Variants in RET observed in about 807,000 individuals in gnomAD.
RET encodes ret proto-oncogene.
Under a neutral mutation model 118.3 loss-of-function variants are expected in RET, and 19 were observed. That is an observed-to-expected ratio of 0.16 (90% CI 0.11 to 0.24). RET has a LOEUF of 0.24. RET is among the 10% of genes least tolerant of loss of function. The probability of loss-of-function intolerance (pLI) is 1.00; values close to 1 mark genes in which losing one functional copy is unlikely to be tolerated. For synonymous variants in RET, 597 were observed against 644.1 expected, an observed-to-expected ratio of 0.93 and a Z score of 1.11; for missense variants, 1,219 against 1,502.1, an observed-to-expected ratio of 0.81 and a Z score of 3.12.
At position 43,106,551 on chromosome 10, in the gene RET, G is replaced by A. The variant is rs751518221; in HGVS notation, c.1043G>A (p.Arg348Gln). ...TSVQANGSFV[R>Q]ATVHDYRLVL... ...GTCCAGGCCAACGGCAGCTTCGTGC[G>A]GGCGACCGTACATGACTATAGTAAG... The change falls in exon 5 of 20, where the codon CGG becomes CAG. Residue 348 changes from arginine to glutamine, a missense_variant. Physicochemically the swap from Arg to Gln is conservative, Grantham distance 43. This residue lies in a region of RET where 850 missense variants were observed against 969.6 expected (regional missense o/e 0.88). Coordinates refer to ENST00000355710, the MANE Select transcript of RET (RefSeq NM_020975.6). The surrounding 1 kb of genome is among the most constrained non-coding windows in gnomAD (Gnocchi z 5.1). The A allele has an allele frequency of 8.7e-6, 14 of 1,613,600 alleles. No homozygotes were observed. The highest frequency in any genetic ancestry group is 1.0e-5 in the Non-Finnish European group (12 of 1,179,742).
chr10:43,118,821 G>T (rs957582527), intron 13 of RET, among the ~76,000 whole-genome samples: 2 of 152,216 alleles, frequency 1.3e-5, no homozygotes, highest in Non-Finnish European at 2.9e-5. Flanking sequence ...TGCATCCTGG[G>T]TACTAGGGTA....
rs1172578380 is a variant in RET at position 43,111,429 on chromosome 10, G to A, written c.1486G>A (p.Ala496Thr). 1 of 1,611,494 alleles carries A rather than the reference G, an allele frequency of 6.2e-7. No homozygotes were observed. Among genetic ancestry groups the A allele is most frequent in the African/African-American group, 1.3e-5 (1 of 75,018 alleles). ...CACCGACCAGCAGACCTCTAGGCAG[G>A]CCCAGGCCCAGCTGCTTGTAACAGT... ...VATDQQTSRQAQAQLLVTVEG... is the reference protein window; with the variant it reads ...VATDQQTSRQTQAQLLVTVEG... Residue 496 changes from alanine to threonine, a missense_variant, in exon 7 of 20, where the codon GCC becomes ACC. Ala to Thr is a moderately conservative substitution (Grantham distance 58). Coordinates refer to ENST00000355710, the MANE Select transcript of RET (RefSeq NM_020975.6).
At chr10:43,110,971 A>G (rs1288905456) in intron 6 of RET, among the ~76,000 whole-genome samples, 1 of 152,018 alleles carries the variant, frequency 6.6e-6, no homozygotes, top group Non-Finnish European at 1.5e-5. Context: ...TCCAGCTCCC[A>G]GGAACAGGGG....
rs141512155 is a variant in RET at position 43,099,543 on chromosome 10, A to C, written c.74-916A>C. Reference sequence around the variant, plus strand: ...AAATAAATAAATAAATAAATAAATAAATAAATAAATAAATAAAAATTACAT... The same window carrying C: ...AAATAAATAAATAAATAAATAAATACATAAATAAATAAATAAAAATTACAT... On this transcript the variant is annotated intron_variant, in intron 1 of 19. Transcript: ENST00000355710. Among the ~76,000 whole-genome samples, 144 of 151,794 alleles carry C rather than the reference A, an allele frequency of 9.5e-4. 3 individuals carry two copies. The East Asian group carries it at 0.021, about 22-fold the overall frequency.
chr10:43,095,742 A>G (rs1212909793), intron 1 of RET, among the ~76,000 whole-genome samples: 1 of 152,162 alleles, frequency 6.6e-6, no homozygotes, highest in Non-Finnish European at 1.5e-5. Context: ...GTGCGTGCAT[A>G]CATATACACA....
chr10:43,116,096 G>A (rs1468019396), intron 11 of RET, among the ~76,000 whole-genome samples: 2 of 152,256 alleles, frequency 1.3e-5, no homozygotes, highest in Non-Finnish European at 2.9e-5. Flanking sequence ...ACTTTGGTGG[G>A]AGGGCAGGGT....
intron 18 of RET, among the ~76,000 whole-genome samples, chr10:43,125,604 C>T (rs1466864660): frequency 6.6e-6 from 1 of 152,198 alleles, no homozygotes; most frequent in Non-Finnish European, 1.5e-5. Flanking sequence ...CCTGGAAGTA[C>T]AGTTTGTGAG....
chr10:43,130,188 GTTACTAAGTATTAAGTA>G lies in RET; in HGVS notation c.*1925_*1941del, dbSNP rs1445813942. 1 of 395,916 alleles carries G rather than the reference GTTACTAAGTATTAAGTA, an allele frequency of 2.5e-6. No individual in the cohort carries two copies. Among genetic ancestry groups the G allele is most frequent in the Non-Finnish European group, 4.4e-6 (1 of 225,012 alleles). The allele number at this position is 395,916 out of a possible 1,614,324, so 24.5% of individuals were successfully genotyped here. On this transcript the variant is annotated 3_prime_UTR_variant, in exon 20 of 20. Coordinates refer to ENST00000355710, the MANE Select transcript of RET (RefSeq NM_020975.6). ...AATTTTCATACACGTAAATGCAGAAGTTACTAAGTATTAAGTATTACTGAGTATTAAGTAGTAATCTG... is the reference window on the plus strand; with the variant it reads ...AATTTTCATACACGTAAATGCAGAAGTTACTGAGTATTAAGTAGTAATCTG...
chr10:43,124,991 C>A lies in RET; in HGVS notation c.3039+9C>A. ...TGATGGTTAAGAGGAGAGTGAGTGC[C>A]TGGGTCCAATTCCCACAAGCTGAAA... On this transcript the variant is annotated intron_variant, in intron 18 of 19. Coordinates refer to ENST00000355710, the MANE Select transcript of RET (RefSeq NM_020975.6). 6.2e-7 allele frequency: 1 copy of A among 1,613,612 alleles called. No homozygotes were observed. The highest frequency in any genetic ancestry group is 8.5e-7 in the Non-Finnish European group (1 of 1,179,566).
intron 7 of RET, 76 bp from the exon 8 acceptor site, chr10:43,112,023 T>C (rs2132793478): frequency 6.5e-7 from 1 of 1,542,912 alleles, no homozygotes; most frequent in Non-Finnish European, 8.7e-7. Flanking sequence ...GCTGGTGCTG[T>C]TCCCTGTCCT....
chr10:43,123,902 C>A (rs2133008313), intron 17 of RET, 94 bp downstream of exon 17: 2 of 1,587,512 alleles, frequency 1.3e-6, no homozygotes, highest in Non-Finnish European at 8.6e-7. Flanking sequence ...CCAGGAGAAA[C>A]CAGGAGAAGT....
intron 1 of RET, among the ~76,000 whole-genome samples, chr10:43,094,776 C>T (rs1020724256): frequency 6.6e-6 from 1 of 152,168 alleles, no homozygotes; most frequent in Non-Finnish European, 1.5e-5. Flanking sequence ...CCAGTATGAG[C>T]AAATACATGT....
rs2132986087 is a variant in RET, at chr10:43,121,992, A to T, written c.2777A>T (p.His926Leu). ...ATGGCAATTGAATCCCTTTTTGATC[A>T]TATCTACACCACGCAAAGTGATGTG... ...KWMAIESLFD[H>L]IYTTQSDVWS... The change falls in exon 16 of 20, where the codon CAT becomes CTT. Residue 926 changes from histidine (H) to leucine (L), a missense_variant. By Grantham distance (99) the His-to-Leu change is moderately conservative. Around this residue, in one of 5 missense-constraint regions of RET, gnomAD observed 73 missense variants for 156.5 expected, o/e 0.47. Coordinates refer to ENST00000355710, the MANE Select transcript of RET (RefSeq NM_020975.6). 1.9e-6 allele frequency: 3 copies of T among 1,613,870 alleles called. No homozygotes were observed. Among genetic ancestry groups the T allele is most frequent in the Non-Finnish European group, 2.5e-6 (3 of 1,179,770 alleles).
intron 1 of RET, among the ~76,000 whole-genome samples, chr10:43,080,709 A>G (rs570458790): frequency 6.6e-6 from 1 of 152,344 alleles, no homozygotes; most frequent in African/African-American, 2.4e-5. Flanking sequence ...CCATGCACAG[A>G]CGCTGAGATA....
intron 1 of RET, among the ~76,000 whole-genome samples, chr10:43,088,744 C>T (rs1837348569): frequency 6.6e-6 from 1 of 152,156 alleles, no homozygotes; most frequent in African/African-American, 2.4e-5. Flanking sequence ...ACTTTCTCTC[C>T]ATCACCCAGA....
chr10:43,119,791 A>G (rs777043535), intron 14 of RET, 46 bp downstream of exon 14: 3 of 1,577,370 alleles, frequency 1.9e-6, no homozygotes, highest in Non-Finnish European at 2.6e-6. Context: ...GCCAGGCCAC[A>G]CCCTGACCCA....
chr10:43,119,976 C>T (rs561060542), intron 14 of RET, 105 bp from the exon 15 acceptor site: 28 of 1,538,326 alleles, frequency 1.8e-5, no homozygotes, highest in Non-Finnish European at 2.2e-5. Flanking sequence ...CTCACCAGGC[C>T]GCTACCCGGG....
Position 43,111,227 on chromosome 10 carries a change from A to G in RET, c.1284A>G (p.Glu428=), listed in dbSNP as rs757632555. ...CCTAGATCGGGAAAGTCTGTGTGGA[A>G]AACTGCCAGGCATTCAGTGGCATCA... is the stretch of plus-strand genomic sequence containing the variant. ...RFAQIGKVCV[E]NCQAFSGINV... is the part of the protein sequence containing the mutation. The change falls in exon 7 of 20, where the codon GAA becomes GAG. Residue 428 remains glutamate (E), a synonymous_variant. Transcript: ENST00000355710. The G allele has an allele frequency of 1.1e-5, 17 of 1,613,954 alleles. No individual in the cohort carries two copies. In the South Asian group the frequency reaches 1.9e-4, roughly 18 times the overall value.
In RET at chr10:43,077,986, G is replaced by C. The variant is rs114927139; in HGVS notation, c.73+655G>C. The stretch of plus-strand genomic sequence containing the variant: ...CCCGGCAGCCCTGGAGTCGTGTGGC[G>C]CTGCCTGGCAGAGATGCTGAAGATG... On this transcript the variant is annotated intron_variant, in intron 1 of 19. Coordinates refer to ENST00000355710, the MANE Select transcript of RET (RefSeq NM_020975.6). Among the ~76,000 whole-genome samples, 803 of 152,342 alleles carry C rather than the reference G, an allele frequency of 5.3e-3. 3 individuals carry two copies. The highest frequency in any genetic ancestry group is 0.018 in the African/African-American group (745 of 41,592).
Sources: gnomAD v4.1 joint callset for allele counts (sites outside exome capture counted in the v4.1 genomes callset) on GRCh38, gnomAD v4.1.1 for gene constraint, gnomAD v4.1.1 regional missense constraint, Gnocchi (gnomAD v3.1) non-coding constraint, MANE v1.5 for transcripts, NCBI Gene and HGNC (gene_info 2026-07-23, HGNC 2026-07-21) for gene names.